The following PRRG1 variants were observed in gnomAD, a reference collection of about 807,000 sequenced individuals.
PRRG1 encodes the protein proline rich and Gla domain 1.
PRRG1 carries 5 observed loss-of-function variants against 11.8 expected under a neutral mutation model. That is an observed-to-expected ratio of 0.42 (90% CI 0.22 to 0.89). The LOEUF (loss-of-function observed/expected upper bound fraction) is 0.89, where lower values mean the gene tolerates loss of function less well. Among genes scored for constraint, PRRG1 ranks in the 40% least tolerant of loss-of-function variants. PRRG1 has a pLI of 0.28. For missense variants in PRRG1, 155 were observed against 166.1 expected, an observed-to-expected ratio of 0.93 and a Z score of 0.37; for synonymous variants, 66 against 60.4, an observed-to-expected ratio of 1.09 and a Z score of -0.43.
rs782258058 is a variant in PRRG1, at chrX:37,408,858, A to G, written c.10+2599A>G. Among the ~76,000 whole-genome samples, 29 of 4,784 alleles carry G rather than the reference A, an allele frequency of 6.1e-3. No individual in the cohort carries two copies. The African/African-American group carries it at 0.075, about 12-fold the overall frequency. The allele number at this position is 4,784 out of a possible 115,157, so 4.2% of individuals were successfully genotyped here. ...CCATATAGAGGAGAGAGCTGCACTGAGACGAAACCCGTTCTTTCTCATTTC... is the reference window on the plus strand; with the variant it reads ...CCATATAGAGGAGAGAGCTGCACTGGGACGAAACCCGTTCTTTCTCATTTC... On this transcript the variant is annotated intron_variant, in intron 2 of 3. Coordinates refer to ENST00000378628, the MANE Select transcript of PRRG1 (RefSeq NM_001142395.2).
At chrX:37,424,975 T>C (rs1932756545) in intron 2 of PRRG1, among the ~76,000 whole-genome samples, 1 of 111,447 alleles carries the variant, frequency 9.0e-6, no homozygotes, top group Admixed American at 9.6e-5. Flanking sequence ...AATGTTCTAA[T>C]CTCTTGCATT....
intron 2 of PRRG1, among the ~76,000 whole-genome samples, chrX:37,422,390 G>A (rs1264696422): frequency 9.0e-6 from 1 of 111,618 alleles, no homozygotes; most frequent in Non-Finnish European, 1.9e-5. Context: ...GCTCAGCATA[G>A]GTCACTGTAT....
intron 1 of PRRG1, among the ~76,000 whole-genome samples, chrX:37,377,950 G>A (rs1194619813): frequency 9.0e-6 from 1 of 111,639 alleles, no homozygotes; most frequent in African/African-American, 3.3e-5. Context: ...CAAGCTGTAT[G>A]CAGCCTTTTT....
chrX:37,354,134 A>C (rs1930158688), intron 1 of PRRG1, among the ~76,000 whole-genome samples: 1 of 111,747 alleles, frequency 8.9e-6, no homozygotes, highest in African/African-American at 3.3e-5. Context: ...TAATCACAAG[A>C]TGCATAGATT....
intron 1 of PRRG1, among the ~76,000 whole-genome samples, chrX:37,395,011 ATCTTTGTT>A (rs1364478461): frequency 8.9e-6 from 1 of 111,849 alleles, no homozygotes; most frequent in Non-Finnish European, 1.9e-5. Flanking sequence ...AAAATACCAA[ATCTTTGTT>A]AGTATCCTCA....
chrX:37,438,421 A>T (rs1391529360), intron 3 of PRRG1, among the ~76,000 whole-genome samples: 27 of 104,004 alleles, frequency 2.6e-4, no homozygotes, highest in African/African-American at 9.6e-4. Flanking sequence ...TTGAAAGCAG[A>T]ATTTTTTCCT....
intron 1 of PRRG1, among the ~76,000 whole-genome samples, chrX:37,367,464 C>T (rs1367744335): frequency 1.8e-5 from 2 of 111,558 alleles, no homozygotes; most frequent in Non-Finnish European, 3.8e-5. Flanking sequence ...GTTAACATAG[C>T]AGATCTGTGT....
intron 3 of PRRG1, among the ~76,000 whole-genome samples, chrX:37,439,892 T>G (rs1400551217): frequency 9.6e-6 from 1 of 103,987 alleles, no homozygotes; most frequent in Non-Finnish European, 1.9e-5. Context: ...CTTCGCCTCC[T>G]GGATTTAAGT....
chrX:37,416,783 G>A (rs1029752611), intron 2 of PRRG1, among the ~76,000 whole-genome samples: 11 of 112,212 alleles, frequency 9.8e-5, no homozygotes, highest in African/African-American at 3.6e-4. Context: ...GGTGTAATCT[G>A]CCATTTCATG....
At chrX:37,442,991 G>T (rs148085355) in intron 3 of PRRG1, among the ~76,000 whole-genome samples, 1 of 112,311 alleles carries the variant, frequency 8.9e-6, no homozygotes, top group African/African-American at 3.2e-5. Context: ...ATAGAAAGTA[G>T]ATTAAATACC....
chrX:37,400,944 A>C (rs1434256598), intron 1 of PRRG1, among the ~76,000 whole-genome samples: 3 of 111,284 alleles, frequency 2.7e-5, no homozygotes, highest in Admixed American at 9.5e-5. Context: ...GAAGAAGTTG[A>C]ATCTCTGAAT....
At chrX:37,400,161 C>A (rs1428035798) in intron 1 of PRRG1, among the ~76,000 whole-genome samples, 3 of 111,625 alleles carry the variant, frequency 2.7e-5, no homozygotes, top group Non-Finnish European at 3.8e-5. Context: ...CTCTTCACCC[C>A]AAATCAACAG....
intron 2 of PRRG1, among the ~76,000 whole-genome samples, 196 bp downstream of exon 2, chrX:37,406,455 C>T (rs1272401331): frequency 9.1e-6 from 1 of 110,354 alleles, no homozygotes; most frequent in African/African-American, 3.3e-5. Context: ...CTTTGATTTT[C>T]TTCTTTTGTA....
chrX:37,383,804 A>T (rs1556374361), intron 1 of PRRG1, among the ~76,000 whole-genome samples: 1 of 111,048 alleles, frequency 9.0e-6, no homozygotes. Flanking sequence ...TTGGAGCTAA[A>T]ATTCTGTGCT....
chrX:37,440,487 T>TC (rs1420192276), intron 3 of PRRG1, among the ~76,000 whole-genome samples: 1 of 111,896 alleles, frequency 8.9e-6, no homozygotes, highest in East Asian at 2.8e-4. Flanking sequence ...AGCTACCTTT[T>TC]CGTTAAAAGA....
intron 1 of PRRG1, among the ~76,000 whole-genome samples, chrX:37,399,581 C>A (rs1460403225): frequency 9.6e-6 from 1 of 104,064 alleles, no homozygotes; most frequent in Non-Finnish European, 2.0e-5. Flanking sequence ...AACTAACGAG[C>A]AAAATCACCA....
intron 3 of PRRG1, among the ~76,000 whole-genome samples, chrX:37,433,018 T>C (rs891808491): frequency 9.0e-6 from 1 of 111,635 alleles, no homozygotes; most frequent in African/African-American, 3.3e-5. Context: ...TAGTTGGTTC[T>C]AATATGAAAA....
At position 37,453,956 on chromosome X, in the gene PRRG1, C is replaced by T. The variant is rs1556397565; in HGVS notation, c.*335C>T. On this transcript the variant is annotated 3_prime_UTR_variant, in exon 4 of 4. Transcript: ENST00000378628. ...TATATGTAAAACTGTCTTAAAAATC[C>T]ATTAACTTCTACCTAAATCACCTGG... is the stretch of plus-strand genomic sequence containing the variant. The T allele has an allele frequency of 1.5e-5, 2 of 131,171 alleles. No individual in the cohort carries two copies. The highest frequency in any genetic ancestry group is 3.0e-5 in the Non-Finnish European group (2 of 66,531). 10.8% of individuals were successfully genotyped at this position (131,171 alleles called of 1,213,427 possible).
At chrX:37,398,669 G>A (rs142233416) in intron 1 of PRRG1, among the ~76,000 whole-genome samples, 5,297 of 111,974 alleles carry the variant, frequency 0.047, 216 homozygotes, top group African/African-American at 0.13. Flanking sequence ...GGCTTCAGAC[G>A]ATCAAACTCC....
Sources: allele counts gnomAD v4.1 joint callset (sites outside exome capture counted in the v4.1 genomes callset), GRCh38; gene constraint gnomAD v4.1.1; transcripts MANE v1.5; gene names NCBI Gene and HGNC (gene_info 2026-07-23, HGNC 2026-07-21).